The following FGFRL1 variants were observed in gnomAD, a reference collection of about 807,000 sequenced individuals.
FGFRL1 encodes the protein fibroblast growth factor receptor like 1, also known as fibroblast growth factor receptor-like 1.
A neutral mutation model predicts 36.8 loss-of-function variants in FGFRL1; 24 were observed. The ratio of observed to expected loss-of-function variants is 0.65; its 90% CI spans 0.47 to 0.92. The LOEUF is 0.92. Ranked by LOEUF, FGFRL1 falls within the 40% of genes least tolerant of loss-of-function variation. FGFRL1 has a pLI of 0.00. For synonymous variants in FGFRL1, 422 were observed against 344.1 expected, an observed-to-expected ratio of 1.23 and a Z score of -2.50; for missense variants, 785 against 753.4, an observed-to-expected ratio of 1.04 and a Z score of -0.49.
At chr4:1,022,095 G>A (rs1210479477) in intron 2 of FGFRL1, 108 bp from the exon 3 acceptor site, 1 of 844,806 alleles carries the variant, frequency 1.2e-6, no homozygotes, top group African/African-American at 1.8e-5. Context: ...GACCCAGGTG[G>A]AGCTCAGGCC....
chr4:1,012,403 C>CCCGGGA, intron 1 of FGFRL1, 67 bp from the exon 2 acceptor site: 1 of 1,551,056 alleles, frequency 6.4e-7, no homozygotes, highest in Middle Eastern at 1.7e-4. Flanking sequence ...ATCCCCGCGG[C>CCCGGGA]CCGGGACCGG....
intron 2 of FGFRL1, among the ~76,000 whole-genome samples, chr4:1,016,613 G>T (rs1353511654): frequency 6.6e-6 from 1 of 152,108 alleles, no homozygotes; most frequent in Non-Finnish European, 1.5e-5. Context: ...AGCTTGCTGG[G>T]GCACAGCCTG....
At chr4:1,019,939 C>T (rs1029286972) in intron 2 of FGFRL1, among the ~76,000 whole-genome samples, 3 of 152,214 alleles carry the variant, frequency 2.0e-5, no homozygotes, top group Admixed American at 6.5e-5. Context: ...AGGGAGGCGC[C>T]GTGTCTCCAC....
rs377284409 is a variant in FGFRL1 at position 1,025,375 on chromosome 4, G to A, written c.*28G>A. The A allele has an allele frequency of 3.0e-5, 45 of 1,518,932 alleles. No individual in the cohort carries two copies. Among genetic ancestry groups the A allele is most frequent in the Non-Finnish European group, 3.8e-5 (43 of 1,126,260 alleles). 94.1% of individuals were successfully genotyped at this position (1,518,932 alleles called of 1,614,324 possible). A position where few individuals can be genotyped will look rare whatever the true frequency, so the allele number is the denominator to read the frequency against. On this transcript the variant is annotated 3_prime_UTR_variant, in exon 7 of 7. Coordinates refer to ENST00000510644, the MANE Select transcript of FGFRL1 (RefSeq NM_001004356.3). ...GGCACCGTATCTGCAGTGGGCACGG[G>A]GGGGCCGGCCAGACAGGCAGACTGG...
chr4:1,022,499 G>A (rs1716252548), intron 3 of FGFRL1, 24 bp downstream of exon 3: 1 of 1,566,292 alleles, frequency 6.4e-7, no homozygotes, highest in Non-Finnish European at 8.7e-7. Flanking sequence ...GCGGTCAGAG[G>A]TCATGGGCTG....
chr4:1,012,280 A>C, intron 1 of FGFRL1, 190 bp from the exon 2 acceptor site: 1 of 507,472 alleles, frequency 2.0e-6, no homozygotes. Context: ...GGAGCCCGGT[A>C]ATTAGTGTAA....
chr4:1,013,797 G>A (rs987003553), intron 2 of FGFRL1, among the ~76,000 whole-genome samples: 2 of 152,288 alleles, frequency 1.3e-5, no homozygotes, highest in Non-Finnish European at 2.9e-5. Context: ...GGATGGCCAC[G>A]GTCAGCCATG....
intron 6 of FGFRL1, 23 bp downstream of exon 6, chr4:1,024,687 C>A: frequency 2.5e-6 from 4 of 1,574,804 alleles, no homozygotes; most frequent in Non-Finnish European, 3.5e-6. Context: ...CACGCCACGC[C>A]ACACCATGCT....
At chr4:1,018,638 C>T (rs1465537705) in intron 2 of FGFRL1, among the ~76,000 whole-genome samples, 5 of 152,134 alleles carry the variant, frequency 3.3e-5, no homozygotes, top group East Asian at 1.9e-4. Flanking sequence ...CATGCCCCGG[C>T]GGGGGTTCCC....
chr4:1,015,624 C>T (rs149259024), intron 2 of FGFRL1, among the ~76,000 whole-genome samples: 5 of 152,336 alleles, frequency 3.3e-5, no homozygotes, highest in East Asian at 1.9e-4. Flanking sequence ...CCCATCTTGG[C>T]AGAAGGCTCA....
intron 2 of FGFRL1, among the ~76,000 whole-genome samples, chr4:1,014,041 C>T (rs756069052): frequency 6.6e-6 from 1 of 152,202 alleles, no homozygotes; most frequent in African/African-American, 2.4e-5. Context: ...ATTTTCCTAG[C>T]GTGGACTAGG....
At chr4:1,014,896 G>A (rs1307415206) in intron 2 of FGFRL1, among the ~76,000 whole-genome samples, 1 of 152,220 alleles carries the variant, frequency 6.6e-6, no homozygotes, top group African/African-American at 2.4e-5. Flanking sequence ...CGTGAACAAA[G>A]TCGCCTTTGG....
intron 2 of FGFRL1, among the ~76,000 whole-genome samples, chr4:1,013,065 G>C (rs1043478013): frequency 6.6e-6 from 1 of 152,224 alleles, no homozygotes; most frequent in Non-Finnish European, 1.5e-5. Context: ...ACCTAGCCGT[G>C]TGCCCTGGGC....
At chr4:1,017,989 C>T (rs1218314819) in intron 2 of FGFRL1, among the ~76,000 whole-genome samples, 1 of 152,188 alleles carries the variant, frequency 6.6e-6, no homozygotes, top group African/African-American at 2.4e-5. Context: ...GGGTTTGGAC[C>T]ACGTGGCCAG....
intron 2 of FGFRL1, among the ~76,000 whole-genome samples, chr4:1,017,381 G>A (rs1259563376): frequency 3.3e-5 from 5 of 152,156 alleles, no homozygotes; most frequent in Non-Finnish European, 5.9e-5. Flanking sequence ...CTCCTCAGCG[G>A]TCAGCTCCAC....
Position 1,024,503 on chromosome 4 carries a change from T to C in FGFRL1, c.911T>C (p.Val304Ala). The C allele has an allele frequency of 6.2e-7, 1 of 1,612,500 alleles. No homozygotes were observed. The highest frequency in any genetic ancestry group is 1.1e-5 in the South Asian group (1 of 91,088). ...STIDVGGQKF[V>A]VLPTGDVWSR... ...ATCGATGTGGGCGGCCAGAAGTTTG[T>C]GGTGCTGCCCACGGGTGACGTGTGG... Residue 304 changes from valine (V) to alanine (A), a missense_variant, in exon 6 of 7, where the codon GTG (valine) becomes GCG (alanine). Physicochemically the swap from Val to Ala is moderately conservative, Grantham distance 64. Transcript: ENST00000510644.
At chr4:1,013,971 A>G (rs1262255524) in intron 2 of FGFRL1, among the ~76,000 whole-genome samples, 1 of 152,224 alleles carries the variant, frequency 6.6e-6, no homozygotes, top group Non-Finnish European at 1.5e-5. Context: ...CTGCTTTCCA[A>G]GGGCAGGGGC....
At position 1,023,289 on chromosome 4, in the gene FGFRL1, C is replaced by A. The variant is rs1716295872; in HGVS notation, c.353-352C>A. 6.6e-6 allele frequency among the ~76,000 whole-genome samples: 1 copy of A among 151,942 alleles called. No homozygotes were observed. Among genetic ancestry groups the A allele is most frequent in the African/African-American group, 2.4e-5 (1 of 41,366 alleles). On this transcript the variant is annotated intron_variant, in intron 3 of 6. Transcript: ENST00000510644. The surrounding 1 kb of genome is among the most constrained non-coding windows in gnomAD (Gnocchi z 6.0). ...GACGATGACCGGGTGGTATGAGAGTCTCGTCTGTTCACCAGCCCTCGGCCC... is the reference window on the plus strand; with the variant it reads ...GACGATGACCGGGTGGTATGAGAGTATCGTCTGTTCACCAGCCCTCGGCCC...
chr4:1,022,390 G>A lies in FGFRL1; in HGVS notation c.267G>A (p.Val89=). The stretch of plus-strand genomic sequence containing the variant: ...CGCAGGGGCTGAAGGTGAAGCAGGT[G>A]GAGCGGGAGGATGCCGGCGTGTACG... ...VLPQGLKVKQ[V]EREDAGVYVC... is the part of the protein sequence containing the mutation. The change falls in exon 3 of 7, where the codon GTG becomes GTA. Residue 89 remains valine, a synonymous_variant. Transcript: ENST00000510644. 1 of 1,611,470 alleles carries A rather than the reference G, an allele frequency of 6.2e-7. No homozygotes were observed. Among genetic ancestry groups the A allele is most frequent in the Non-Finnish European group, 8.5e-7 (1 of 1,179,510 alleles).
Sources: gnomAD v4.1 joint callset for allele counts (sites outside exome capture counted in the v4.1 genomes callset) on GRCh38, gnomAD v4.1.1 for gene constraint, Gnocchi (gnomAD v3.1) non-coding constraint, MANE v1.5 for transcripts, NCBI Gene and HGNC (gene_info 2026-07-23, HGNC 2026-07-21) for gene names.